The following HPSE2 variants were observed in gnomAD, a reference collection of about 807,000 sequenced individuals.
The protein encoded by HPSE2 is heparanase 2 (inactive).
HPSE2 carries 38 observed loss-of-function variants against 60.5 expected under a neutral mutation model. That is an observed-to-expected ratio of 0.63 (90% CI 0.48 to 0.82). HPSE2 has a LOEUF of 0.82. Ranked by LOEUF, HPSE2 falls within the 40% of genes least tolerant of loss-of-function variation. HPSE2 has a pLI of 0.00. For synonymous variants in HPSE2, 295 were observed against 293.2 expected (o/e 1.01, Z -0.06); for missense variants, 713 against 740.4 (o/e 0.96, Z 0.43).
At chr10:99,305,961 A>ATG in the HPSE2 span, among the ~76,000 whole-genome samples, 71 of 103,064 alleles carry the variant, frequency 6.9e-4, 3 homozygotes, top group Middle Eastern at 5.1e-3. Context: ...ACTCACACAC[A>ATG]CGCGCGCGCG....
At position 99,232,787 on chromosome 10, in the gene HPSE2, G is replaced by A. The variant is rs140396640; in HGVS notation, c.291-282C>T. ...CCTGATCTCCTAAAGGCTACAGATA[G>A]TGTTTGTTCATAGAGTGTTTGTATG... On this transcript the variant is annotated intron_variant, in intron 1 of 11. Coordinates refer to ENST00000370552, the MANE Select transcript of HPSE2 (RefSeq NM_021828.5). Among the ~76,000 whole-genome samples, 433 of 152,380 alleles carry A rather than the reference G, an allele frequency of 2.8e-3. 3 individuals are homozygous for A. The highest frequency in any genetic ancestry group is 9.9e-3 in the African/African-American group (412 of 41,604).
At chr10:99,061,911 T>A (rs1441426929) in intron 3 of HPSE2, among the ~76,000 whole-genome samples, 1 of 152,176 alleles carries the variant, frequency 6.6e-6, no homozygotes, top group African/African-American at 2.4e-5. Context: ...TTTGGTTTTT[T>A]CCCCATGGAT....
chr10:99,143,656 T>G (rs1845945496), intron 3 of HPSE2, among the ~76,000 whole-genome samples: 1 of 152,200 alleles, frequency 6.6e-6, no homozygotes, highest in African/African-American at 2.4e-5. Flanking sequence ...ATTTGCTCAT[T>G]ACCAGCAAGT....
At chr10:99,005,407 A>T (rs111854121) in intron 3 of HPSE2, among the ~76,000 whole-genome samples, 7 of 152,216 alleles carry the variant, frequency 4.6e-5, no homozygotes, top group African/African-American at 1.4e-4. Flanking sequence ...TCACAGATTC[A>T]TTCTTCTGCT....
chr10:99,231,012 T>C (rs1006555400), intron 2 of HPSE2, among the ~76,000 whole-genome samples: 3 of 152,174 alleles, frequency 2.0e-5, no homozygotes, highest in Admixed American at 2.0e-4. Flanking sequence ...ATCCATACTT[T>C]CATAGCAATG....
upstream of HPSE2, among the ~76,000 whole-genome samples, chr10:99,237,876 G>T (rs1849900586): frequency 6.6e-6 from 1 of 152,202 alleles, no homozygotes. Context: ...CCAGACTGGA[G>T]CACTTAGTAG....
intron 3 of HPSE2, among the ~76,000 whole-genome samples, chr10:98,823,788 A>C (rs776490024): frequency 3.2e-4 from 48 of 152,346 alleles, no homozygotes; most frequent in Middle Eastern, 6.8e-3. Flanking sequence ...ACAGTGAGAC[A>C]TTTTAACATA....
chr10:98,919,464 C>T (rs760405854), intron 3 of HPSE2, among the ~76,000 whole-genome samples: 2 of 151,850 alleles, frequency 1.3e-5, no homozygotes, highest in African/African-American at 2.4e-5. Context: ...CAAACTAAAC[C>T]GCGACAAGAT....
intron 9 of HPSE2, among the ~76,000 whole-genome samples, chr10:98,511,557 T>G (rs535632156): frequency 1.5e-4 from 4 of 27,294 alleles, no homozygotes; most frequent in African/African-American, 1.1e-3. Context: ...ATAACTATGG[T>G]GTGTGTGTGT....
chr10:98,838,944 A>G (rs1951852173), intron 3 of HPSE2, among the ~76,000 whole-genome samples: 1 of 152,172 alleles, frequency 6.6e-6, no homozygotes. Flanking sequence ...ATGGGAGGTT[A>G]GAAAGTTATG....
chr10:99,141,846 A>G (rs2135771637), intron 3 of HPSE2, among the ~76,000 whole-genome samples: 1 of 152,318 alleles, frequency 6.6e-6, no homozygotes, highest in East Asian at 1.9e-4. Flanking sequence ...CATGCTTTTA[A>G]CCATCTGACA....
At chr10:99,100,275 A>G (rs894585937) in intron 3 of HPSE2, among the ~76,000 whole-genome samples, 1 of 152,202 alleles carries the variant, frequency 6.6e-6, no homozygotes, top group Admixed American at 6.5e-5. Context: ...TACTAGAATA[A>G]CCAGCATAGA....
chr10:98,921,138 T>C (rs1422434030), intron 3 of HPSE2, among the ~76,000 whole-genome samples: 1 of 152,174 alleles, frequency 6.6e-6, no homozygotes, highest in Non-Finnish European at 1.5e-5. Context: ...CTCTCATATG[T>C]AAACTGAATA....
intron 7 of HPSE2, among the ~76,000 whole-genome samples, chr10:98,622,728 T>A (rs1946105823): frequency 6.6e-6 from 1 of 152,136 alleles, no homozygotes; most frequent in Non-Finnish European, 1.5e-5. Flanking sequence ...GAATTAACGG[T>A]GGTGGTCAAT....
intron 3 of HPSE2, among the ~76,000 whole-genome samples, chr10:98,851,662 T>C (rs889055391): frequency 2.6e-5 from 4 of 152,186 alleles, no homozygotes; most frequent in African/African-American, 9.7e-5. Flanking sequence ...CCAACACATA[T>C]TTCTCTTAAA....
intron 3 of HPSE2, among the ~76,000 whole-genome samples, chr10:98,769,006 C>T (rs1286400775): frequency 6.6e-6 from 1 of 152,170 alleles, no homozygotes; most frequent in Non-Finnish European, 1.5e-5. Context: ...GAGATCGCGC[C>T]ACTGCACTCC....
chr10:98,818,555 G>A (rs1315796468), intron 3 of HPSE2, among the ~76,000 whole-genome samples: 1 of 152,138 alleles, frequency 6.6e-6, no homozygotes, highest in African/African-American at 2.4e-5. Context: ...CTGTGGCCCA[G>A]GTGTTGTGGA....
intron 3 of HPSE2, among the ~76,000 whole-genome samples, chr10:99,025,167 A>T (rs1434317320): frequency 6.6e-6 from 1 of 152,174 alleles, no homozygotes; most frequent in East Asian, 1.9e-4. Context: ...AAAGCTAAGA[A>T]GCAGAGAGAT....
intron 6 of HPSE2, among the ~76,000 whole-genome samples, chr10:98,656,211 G>A (rs1255138928): frequency 6.6e-6 from 1 of 151,724 alleles, no homozygotes. Flanking sequence ...CTCACCTCCT[G>A]AGTAGCTGGG....
Sources: gnomAD v4.1 joint callset for allele counts (sites outside exome capture counted in the v4.1 genomes callset) on GRCh38, gnomAD v4.1.1 for gene constraint, MANE v1.5 for transcripts, NCBI Gene and HGNC (gene_info 2026-07-23, HGNC 2026-07-21) for gene names.